DPP3: variants seen among roughly 807,000 people sequenced by gnomAD.
DPP3 encodes DPP III.
A neutral mutation model predicts 89.8 loss-of-function variants in DPP3; 64 were observed. The observed-to-expected ratio is 0.71, with a 90% CI of 0.58 to 0.88. The LOEUF (loss-of-function observed/expected upper bound fraction) is 0.88, where lower values mean the gene tolerates loss of function less well. Among genes scored for constraint, DPP3 ranks in the 40% least tolerant of loss-of-function variants. DPP3 has a pLI of 0.00. For synonymous variants in DPP3, 377 were observed against 404.3 expected (o/e 0.93, Z 0.81); for missense variants, 835 against 972.5 (o/e 0.86, Z 1.88).
At chr11:66,503,856 C>A (rs1249240405) in intron 16 of DPP3, among the ~76,000 whole-genome samples, 1 of 151,682 alleles carries the variant, frequency 6.6e-6, no homozygotes, top group Admixed American at 6.6e-5. Flanking sequence ...CATTGCACTC[C>A]AGGCTGGGTG....
intron 15 of DPP3, 30 bp from the exon 16 acceptor site, chr11:66,497,268 A>G (rs375313085): frequency 1.2e-6 from 2 of 1,605,460 alleles, no homozygotes; most frequent in Non-Finnish European, 1.7e-6. Flanking sequence ...GATACGGGCT[A>G]CAAATGCTGT....
chr11:66,499,134 G>A (rs1324369271), intron 16 of DPP3, among the ~76,000 whole-genome samples: 4 of 152,116 alleles, frequency 2.6e-5, no homozygotes, highest in South Asian at 2.1e-4. Context: ...AGGCCGAGGC[G>A]GGTGGATCAC....
intron 17 of DPP3, among the ~76,000 whole-genome samples, chr11:66,507,919 C>T (rs1855844493): frequency 6.6e-6 from 1 of 152,138 alleles, no homozygotes; most frequent in African/African-American, 2.4e-5. Context: ...TCAAGTGATC[C>T]ACCCGCCTCA....
In DPP3 at chr11:66,509,484, G is replaced by C; in HGVS notation, c.*233G>C. 7.2e-7 allele frequency: 1 copy of C among 1,386,632 alleles called. No homozygotes were observed. Among genetic ancestry groups the C allele is most frequent in the Non-Finnish European group, 9.9e-7 (1 of 1,011,292 alleles). The allele number at this position is 1,386,632 out of a possible 1,614,324, so 85.9% of individuals were successfully genotyped here. On this transcript the variant is annotated 3_prime_UTR_variant, in exon 18 of 18. Coordinates refer to ENST00000531863, the MANE Select transcript of DPP3 (RefSeq NM_130443.4). ...GCACTGCCATACGTGGAGTGAGCAA[G>C]ACAGGGCTTACCATCCTGTCTACCA...
intron 6 of DPP3, among the ~76,000 whole-genome samples, chr11:66,489,580 C>T (rs1309644911): frequency 6.6e-6 from 1 of 152,154 alleles, no homozygotes; most frequent in Non-Finnish European, 1.5e-5. Flanking sequence ...GCCGGACTGC[C>T]CGAGTGGGTC....
chr11:66,509,576 G>A lies in DPP3; in HGVS notation c.*325G>A, dbSNP rs765108105. The stretch of plus-strand genomic sequence containing the variant: ...CCGCAGGTGGCACGTGACAGCTAGG[G>A]TTCAAAACGTTCTCACCAAATCCAA... On this transcript the variant is annotated 3_prime_UTR_variant, in exon 18 of 18. Coordinates refer to ENST00000531863, the MANE Select transcript of DPP3 (RefSeq NM_130443.4). 2.8e-6 allele frequency: 2 copies of A among 705,066 alleles called. No homozygotes were observed. The highest frequency in any genetic ancestry group is 5.1e-6 in the Non-Finnish European group (2 of 394,886). 43.7% of individuals were successfully genotyped at this position (705,066 alleles called of 1,614,324 possible).
At chr11:66,502,808 C>G (rs188845609) in intron 16 of DPP3, among the ~76,000 whole-genome samples, 29 of 152,122 alleles carry the variant, frequency 1.9e-4, no homozygotes, top group African/African-American at 5.5e-4. Context: ...ACAGTGCTAG[C>G]CAGGATGGTC....
intron 9 of DPP3, 58 bp downstream of exon 9, chr11:66,491,814 T>C (rs1855401393): frequency 6.3e-7 from 1 of 1,591,950 alleles, no homozygotes; most frequent in Non-Finnish European, 8.6e-7. Flanking sequence ...CAAGTCCACG[T>C]TTCCAGTGTC....
At position 66,497,426 on chromosome 11, in the gene DPP3, G is replaced by C; in HGVS notation, c.1827G>C (p.Lys609Asn). 2.5e-6 allele frequency: 4 copies of C among 1,614,054 alleles called. No homozygotes were observed. Among genetic ancestry groups the C allele is most frequent in the Non-Finnish European group, 3.4e-6 (4 of 1,180,032 alleles). The change falls in exon 16 of 18, where the codon AAG becomes AAC. Residue 609 changes from lysine to asparagine, a missense_variant. By Grantham distance (94) the Lys-to-Asn change is moderately conservative. Coordinates refer to ENST00000531863, the MANE Select transcript of DPP3 (RefSeq NM_130443.4). Reference protein sequence around the residue: ...PDARVRLDRSKIRSVGKPALE... With the variant: ...PDARVRLDRSNIRSVGKPALE... ...CCCGGGTCCGCCTCGACCGCAGCAA[G>C]ATCCGGTCTGTGGGCAAGCCTGCTC... is the stretch of plus-strand genomic sequence containing the variant.
At chr11:66,492,628 A>G (rs1047043972) in intron 9 of DPP3, 88 bp from the exon 10 acceptor site, 5 of 1,443,716 alleles carry the variant, frequency 3.5e-6, no homozygotes, top group African/African-American at 1.4e-5. Flanking sequence ...TACAGTAGGC[A>G]TTCAGTACAT....
At chr11:66,486,514 G>A in intron 3 of DPP3, 26 bp from the exon 4 acceptor site, 2 of 1,480,886 alleles carry the variant, frequency 1.4e-6, no homozygotes, top group African/African-American at 2.9e-5. Flanking sequence ...GGTGTGACTG[G>A]GCCATTGGCC....
At chr11:66,497,167 A>G (rs1373918211) in intron 15 of DPP3, 131 bp from the exon 16 acceptor site, 2 of 1,135,130 alleles carry the variant, frequency 1.8e-6, no homozygotes, top group Non-Finnish European at 1.2e-6. Flanking sequence ...GAGAATGACA[A>G]TAACAGTTGC....
At position 66,497,448 on chromosome 11, in the gene DPP3, G is replaced by A. The variant is rs200574430; in HGVS notation, c.1849G>A (p.Ala617Thr). The change falls in exon 16 of 18, where the codon GCT (alanine) becomes ACT (threonine). Residue 617 changes from alanine to threonine, a missense_variant. Transcript: ENST00000531863. ...RSKIRSVGKP[A>T]LERFLRRLQV... ...CAAGATCCGGTCTGTGGGCAAGCCT[G>A]CTCTAGAGCGCTTCCTGCGGAGACT... 1.2e-5 allele frequency: 19 copies of A among 1,613,900 alleles called. No individual in the cohort carries two copies. The highest frequency in any genetic ancestry group is 1.6e-5 in the Non-Finnish European group (19 of 1,179,978).
rs1333065758 is a variant in DPP3, at chr11:66,482,227, C to G, written c.27C>G (p.Pro9=). The stretch of plus-strand genomic sequence containing the variant: ...TGGCGGACACCCAGTACATCCTGCC[C>G]AATGACATCGGCGTGTCTAGCCTGG... MADTQYIL[P]NDIGVSSLDC... is the part of the protein sequence containing the mutation. The change falls in exon 2 of 18, where the codon CCC becomes CCG. Residue 9 remains proline, a synonymous_variant. Coordinates refer to ENST00000531863, the MANE Select transcript of DPP3 (RefSeq NM_130443.4). The G allele has an allele frequency of 6.2e-7, 1 of 1,614,134 alleles. No individual in the cohort carries two copies. The highest frequency in any genetic ancestry group is 8.5e-7 in the Non-Finnish European group (1 of 1,180,018).
At position 66,497,308 on chromosome 11, in the gene DPP3, AG is replaced by A; in HGVS notation, c.1711del (p.Ala571ProfsTer4). 1 of 1,613,716 alleles carries A rather than the reference AG, an allele frequency of 6.2e-7. No individual in the cohort carries two copies. The highest frequency in any genetic ancestry group is 8.5e-7 in the Non-Finnish European group (1 of 1,179,914). Reference protein sequence around the residue: ...EAFNWRQAHMQARFVILRVLL... With the variant: ...EAFNWRQAHMXARFVILRVLL... Reference sequence around the variant, plus strand: ...CCCCTGCTCCGGCAGGCCCATATGCAGGCCCGGTTTGTGATCCTGAGAGTCT... The same window carrying A: ...CCCCTGCTCCGGCAGGCCCATATGCAGCCCGGTTTGTGATCCTGAGAGTCT... On this transcript the variant is annotated frameshift_variant, in exon 16 of 18. Transcript: ENST00000531863. LOFTEE classifies it high-confidence loss of function.
Position 66,509,192 on chromosome 11 carries a change from GC to G in DPP3, c.2157del (p.Thr720GlnfsTer112). 6.2e-7 allele frequency: 1 copy of G among 1,614,122 alleles called. No individual in the cohort carries two copies. The highest frequency in any genetic ancestry group is 8.5e-7 in the Non-Finnish European group (1 of 1,180,026). On this transcript the variant is annotated frameshift_variant, in exon 18 of 18. Transcript: ENST00000531863. LOFTEE classifies it high-confidence loss of function. ...GTTGGAGGAGATCCTCACACAGCTG[GC>G]CACAGCCGATGCCCGATTCTGGAAG... is the stretch of plus-strand genomic sequence containing the variant. The part of the protein sequence containing the change: ...PELEEILTQL[A>X]TADARFWKGP...
In DPP3 at chr11:66,509,260, T is replaced by C. The variant is rs1167175346; in HGVS notation, c.*9T>C. The C allele has an allele frequency of 6.2e-7, 1 of 1,600,908 alleles. No individual in the cohort carries two copies. Among genetic ancestry groups the C allele is most frequent in the Admixed American group, 1.8e-5 (1 of 56,874 alleles). On this transcript the variant is annotated 3_prime_UTR_variant, in exon 18 of 18. Coordinates refer to ENST00000531863, the MANE Select transcript of DPP3 (RefSeq NM_130443.4). Reference sequence around the variant, plus strand: ...CATCTGGCCAAGCTTGAGGAAGATGTGTGGCCTTGCCCCCAATTCCATCAG... The same window carrying C: ...CATCTGGCCAAGCTTGAGGAAGATGCGTGGCCTTGCCCCCAATTCCATCAG...
chr11:66,492,677 G>A (rs2134732283), intron 9 of DPP3, 39 bp from the exon 10 acceptor site: 1 of 1,540,042 alleles, frequency 6.5e-7, no homozygotes, highest in African/African-American at 1.4e-5. Flanking sequence ...GAGCCCTCCT[G>A]GAACCCTGCC....
intron 17 of DPP3, among the ~76,000 whole-genome samples, chr11:66,506,754 T>C (rs938643503): frequency 6.6e-6 from 1 of 152,150 alleles, no homozygotes; most frequent in African/African-American, 2.4e-5. Context: ...TTCTTGCTGC[T>C]TGGCATGATC....
Sources: allele counts gnomAD v4.1 joint callset (sites outside exome capture counted in the v4.1 genomes callset), GRCh38; gene constraint gnomAD v4.1.1; transcripts MANE v1.5; gene names NCBI Gene and HGNC (gene_info 2026-07-23, HGNC 2026-07-21).